The following SLC35F1 variants were observed in gnomAD, a reference collection of about 807,000 sequenced individuals.
SLC35F1 encodes the protein solute carrier family 35 member F1, also known as chromosome 6 open reading frame 169.
A neutral mutation model predicts 48.7 loss-of-function variants in SLC35F1; 14 were observed. The observed-to-expected ratio is 0.29, with a 90% CI of 0.19 to 0.45. The LOEUF is 0.45. Ranked by LOEUF, SLC35F1 falls within the 20% of genes least tolerant of loss-of-function variation. SLC35F1 has a pLI of 1.00. For missense variants in SLC35F1, 404 were observed against 500.0 expected (o/e 0.81, Z 1.83); for synonymous variants, 190 against 202.2 (o/e 0.94, Z 0.51).
chr6:117,987,889 C>A (rs1369027619), intron 1 of SLC35F1, among the ~76,000 whole-genome samples: 1 of 152,038 alleles, frequency 6.6e-6, no homozygotes, highest in Admixed American at 6.6e-5. Flanking sequence ...ATTTTGCAGT[C>A]CAGGCAGTGA....
chr6:118,097,444 T>C (rs1473951115), intron 1 of SLC35F1, among the ~76,000 whole-genome samples: 1 of 152,170 alleles, frequency 6.6e-6, no homozygotes. Context: ...TTAAAGGCCT[T>C]TTTCCTCCTT....
At chr6:118,144,859 T>C (rs1773948840) in intron 1 of SLC35F1, among the ~76,000 whole-genome samples, 1 of 152,196 alleles carries the variant, frequency 6.6e-6, no homozygotes, top group African/African-American at 2.4e-5. Flanking sequence ...CTTGTTTTTC[T>C]TTTTCAAACA....
chr6:118,013,362 G>A (rs747487771), intron 1 of SLC35F1, among the ~76,000 whole-genome samples: 1 of 152,136 alleles, frequency 6.6e-6, no homozygotes, highest in Non-Finnish European at 1.5e-5. Flanking sequence ...GAATTACAAG[G>A]TCAGATGGGG....
chr6:118,094,961 C>T (rs1403814494), intron 1 of SLC35F1, among the ~76,000 whole-genome samples: 1 of 131,756 alleles, frequency 7.6e-6, no homozygotes, highest in Admixed American at 7.2e-5. Context: ...GAGCGAGACT[C>T]CGTCTAAAAA....
At chr6:117,952,720 CA>C in intron 1 of SLC35F1, among the ~76,000 whole-genome samples, 1 of 152,104 alleles carries the variant, frequency 6.6e-6, no homozygotes, top group East Asian at 1.9e-4. Flanking sequence ...AAAACTTTAC[CA>C]AGAGAGGATT....
rs772524989 is a variant in SLC35F1 at position 118,224,823 on chromosome 6, T to C, written c.350-10686T>C. On this transcript the variant is annotated intron_variant, in intron 2 of 7. Transcript: ENST00000360388. The stretch of plus-strand genomic sequence containing the variant: ...AGTTTTTTGGTGGAGTCTCTAGTTT[T>C]TTCTAAATATAAGATCATATCATGT... 4.7e-4 allele frequency among the ~76,000 whole-genome samples: 71 copies of C among 152,178 alleles called. 1 individual carries two copies. Among genetic ancestry groups the C allele is most frequent in the Admixed American group, 7.9e-4 (12 of 15,278 alleles).
chr6:118,076,083 T>C (rs1438396219), intron 1 of SLC35F1, among the ~76,000 whole-genome samples: 2 of 152,174 alleles, frequency 1.3e-5, no homozygotes, highest in African/African-American at 4.8e-5. Flanking sequence ...AATTATTTTA[T>C]CTAGTCTGAT....
At chr6:118,229,346 G>A (rs1200141120) in intron 2 of SLC35F1, among the ~76,000 whole-genome samples, 2 of 152,214 alleles carry the variant, frequency 1.3e-5, no homozygotes, top group Non-Finnish European at 2.9e-5. Flanking sequence ...AACTGATGGT[G>A]ATGGGACACA....
In SLC35F1 at chr6:118,131,043, T is replaced by C. The variant is rs377103003; in HGVS notation, c.174-23402T>C. On this transcript the variant is annotated intron_variant, in intron 1 of 7. Transcript: ENST00000360388. ...TCATACCACGAATATGAATTGTCAC[T>C]GTTTGGCTAAAGTAGAAGGTTGGGC... Among the ~76,000 whole-genome samples, 3 of 152,286 alleles carry C rather than the reference T, an allele frequency of 2.0e-5. No individual in the cohort carries two copies. In the South Asian group the frequency reaches 6.2e-4, roughly 32 times the overall value.
chr6:118,197,148 G>T (rs1774813127), intron 2 of SLC35F1, among the ~76,000 whole-genome samples: 1 of 151,948 alleles, frequency 6.6e-6, no homozygotes, highest in Non-Finnish European at 1.5e-5. Context: ...AAAATTCTAA[G>T]TGTATCTTAG....
chr6:117,923,885 TAC>T (rs2114805535), intron 1 of SLC35F1, among the ~76,000 whole-genome samples: 1 of 135,962 alleles, frequency 7.4e-6, no homozygotes, highest in South Asian at 2.2e-4. Context: ...CATATGTAGA[TAC>T]ACATATACAC....
chr6:118,253,972 A>G (rs1424456904), intron 3 of SLC35F1, among the ~76,000 whole-genome samples: 2 of 151,852 alleles, frequency 1.3e-5, no homozygotes, highest in African/African-American at 4.8e-5. Flanking sequence ...GAACACAGCA[A>G]GCAGAAAGGG....
chr6:117,922,447 T>A (rs1011117057), intron 1 of SLC35F1, among the ~76,000 whole-genome samples: 1 of 152,248 alleles, frequency 6.6e-6, no homozygotes, highest in Non-Finnish European at 1.5e-5. Flanking sequence ...TAGTCCTAAA[T>A]GTGATTAGCA....
intron 7 of SLC35F1, among the ~76,000 whole-genome samples, chr6:118,293,991 T>C (rs1290871571): frequency 6.6e-6 from 1 of 152,210 alleles, no homozygotes; most frequent in East Asian, 1.9e-4. Flanking sequence ...GCCAGTTACT[T>C]ATTCTCTCTA....
chr6:118,152,644 G>C (rs1306846918), intron 1 of SLC35F1, among the ~76,000 whole-genome samples: 3 of 152,182 alleles, frequency 2.0e-5, no homozygotes, highest in African/African-American at 4.8e-5. Context: ...TATGAGGGCA[G>C]AAAATGGAAG....
intron 1 of SLC35F1, among the ~76,000 whole-genome samples, chr6:118,135,742 C>T (rs950428839): frequency 6.6e-6 from 1 of 152,172 alleles, no homozygotes; most frequent in Non-Finnish European, 1.5e-5. Context: ...TTCTGACACT[C>T]GCTACAATTA....
At chr6:118,009,311 T>C (rs1044104996) in intron 1 of SLC35F1, among the ~76,000 whole-genome samples, 3 of 152,058 alleles carry the variant, frequency 2.0e-5, no homozygotes, top group Non-Finnish European at 4.4e-5. Flanking sequence ...AATTAGACAT[T>C]AGGTTTATTT....
chr6:118,056,462 C>T (rs1772464806), intron 1 of SLC35F1, among the ~76,000 whole-genome samples: 1 of 152,058 alleles, frequency 6.6e-6, no homozygotes, highest in Admixed American at 6.5e-5. Context: ...TATTTTAGTT[C>T]AATCGAACAC....
At chr6:117,993,224 G>A (rs1203124737) in intron 1 of SLC35F1, among the ~76,000 whole-genome samples, 1 of 152,110 alleles carries the variant, frequency 6.6e-6, no homozygotes, top group Non-Finnish European at 1.5e-5. Context: ...TCTGGAGCCT[G>A]AACAGCAGCA....
Sources: gnomAD v4.1 joint callset for allele counts (sites outside exome capture counted in the v4.1 genomes callset) on GRCh38, gnomAD v4.1.1 for gene constraint, MANE v1.5 for transcripts, NCBI Gene and HGNC (gene_info 2026-07-23, HGNC 2026-07-21) for gene names.